IL12B: variants seen among roughly 807,000 people sequenced by gnomAD.
IL12B encodes the protein interleukin 12B.
Under a neutral mutation model 39.2 loss-of-function variants are expected in IL12B, and 27 were observed. The observed-to-expected ratio is 0.69, with a 90% CI of 0.51 to 0.95. The LOEUF (loss-of-function observed/expected upper bound fraction) is 0.95, where lower values mean the gene tolerates loss of function less well. Ranked by LOEUF, IL12B falls within the 40% of genes least tolerant of loss-of-function variation. The pLI, the probability that IL12B is intolerant of heterozygous loss-of-function variation, is 0.00. For missense variants in IL12B, 351 were observed against 397.6 expected, an observed-to-expected ratio of 0.88 and a Z score of 1.00; for synonymous variants, 142 against 152.1, an observed-to-expected ratio of 0.93 and a Z score of 0.49.
At position 159,316,679 on chromosome 5, in the gene IL12B, G is replaced by A. The variant is rs1753995157; in HGVS notation, c.*6C>T. On this transcript the variant is annotated splice_donor_region_variant and intron_variant, in intron 7 of 7. Coordinates refer to ENST00000231228, the MANE Select transcript of IL12B (RefSeq NM_002187.3). ...GGCCTGGGCTGGCCTTTGAGGGCCT[G>A]CTCACCTAACTGCAGGGCACAGATG... The A allele has an allele frequency of 6.2e-7, 1 of 1,611,178 alleles. No homozygotes were observed. The highest frequency in any genetic ancestry group is 8.5e-7 in the Non-Finnish European group (1 of 1,178,924).
intron 4 of IL12B, 28 bp downstream of exon 4, chr5:159,322,366 G>A: frequency 7.6e-7 from 1 of 1,324,126 alleles, no homozygotes; most frequent in Non-Finnish European, 1.1e-6. Context: ...CTAGAAAAAT[G>A]CTGAGAAACC....
chr5:159,322,201 C>T (rs1398999972), intron 4 of IL12B, among the ~76,000 whole-genome samples, 193 bp downstream of exon 4: 1 of 152,170 alleles, frequency 6.6e-6, no homozygotes, highest in Non-Finnish European at 1.5e-5. Context: ...CCAACACATA[C>T]ATTTATTCAA....
chr5:159,327,070 A>G (rs1406855215), intron 1 of IL12B, among the ~76,000 whole-genome samples: 1 of 152,214 alleles, frequency 6.6e-6, no homozygotes, highest in Non-Finnish European at 1.5e-5. Flanking sequence ...ACCTAAGGCA[A>G]GCCATCTGAT....
intron 1 of IL12B, among the ~76,000 whole-genome samples, chr5:159,329,372 A>G (rs998859982): frequency 6.6e-6 from 1 of 152,184 alleles, no homozygotes; most frequent in Admixed American, 6.5e-5. Flanking sequence ...TAAAATGGGC[A>G]TGCTACTGTG....
At chr5:159,316,508 A>G (rs55904475) in intron 7 of IL12B, among the ~76,000 whole-genome samples, 177 bp downstream of exon 7, 268 of 152,322 alleles carry the variant, frequency 1.8e-3, no homozygotes, top group African/African-American at 5.9e-3. Flanking sequence ...ACAGTGTCCT[A>G]CATAACAAAG....
intron 3 of IL12B, 83 bp from the exon 4 acceptor site, chr5:159,322,594 A>G: frequency 1.1e-6 from 1 of 897,850 alleles, no homozygotes; most frequent in Non-Finnish European, 1.9e-6. Context: ...AGATCACCAG[A>G]TGGTACAGGG....
intron 5 of IL12B, 80 bp downstream of exon 5, chr5:159,320,226 C>A: frequency 5.0e-6 from 6 of 1,197,502 alleles, no homozygotes; most frequent in Non-Finnish European, 7.4e-6. Context: ...AACCACCTAC[C>A]CCACAGTGCA....
At chr5:159,326,608 A>C in intron 2 of IL12B, 87 bp downstream of exon 2, 5 of 918,702 alleles carry the variant, frequency 5.4e-6, no homozygotes, top group Non-Finnish European at 9.1e-6. Flanking sequence ...ATGGTTGCCC[A>C]TTTCAGTTTG....
At chr5:159,322,190 C>G (rs147559048) in intron 4 of IL12B, among the ~76,000 whole-genome samples, 1 of 152,068 alleles carries the variant, frequency 6.6e-6, no homozygotes, top group African/African-American at 2.4e-5. Context: ...AATATCCTGC[C>G]CCAACACATA....
At chr5:159,317,245 G>T (rs1004278593) in intron 6 of IL12B, among the ~76,000 whole-genome samples, 5 of 152,128 alleles carry the variant, frequency 3.3e-5, no homozygotes, top group Non-Finnish European at 7.3e-5. Context: ...GTAACTTCAG[G>T]AAAATGTCTT....
rs1753996430 is a variant in IL12B at position 159,316,745 on chromosome 5, C to A, written c.927G>T (p.Arg309=). The change falls in exon 7 of 8, where the codon CGG becomes CGT. Residue 309 remains arginine (R), a synonymous_variant. Transcript: ENST00000231228. The part of the protein sequence containing the change: ...ICRKNASISV[R]AQDRYYSSSW... Reference sequence around the variant, plus strand: ...ATGAGCTATAGTAGCGGTCCTGGGCCCGCACGCTAATGCTGGCATTTTTGC... The same window carrying A: ...ATGAGCTATAGTAGCGGTCCTGGGCACGCACGCTAATGCTGGCATTTTTGC... 1 of 1,614,152 alleles carries A rather than the reference C, an allele frequency of 6.2e-7. No homozygotes were observed. The highest frequency in any genetic ancestry group is 8.5e-7 in the Non-Finnish European group (1 of 1,180,036).
Position 159,323,185 on chromosome 5 carries a change from T to G in IL12B, c.233A>C (p.Gln78Pro), listed in dbSNP as rs1361534479. 6.2e-7 allele frequency: 1 copy of G among 1,614,160 alleles called. No individual in the cohort carries two copies. The highest frequency in any genetic ancestry group is 2.2e-5 in the East Asian group (1 of 44,874). ...VLGSGKTLTI[Q>P]VKEFGDAGQY... ...GCCAGCATCTCCAAACTCTTTGACT[T>G]GGATGGTCAGGGTTTTGCCAGAGCC... Residue 78 changes from glutamine (Q) to proline (P), a missense_variant, in exon 3 of 8, where the codon CAA (glutamine) becomes CCA (proline). Physicochemically the swap from Gln to Pro is moderately conservative, Grantham distance 76. Transcript: ENST00000231228.
In IL12B at chr5:159,314,892, T is replaced by C. The variant is rs1335091616; in HGVS notation, c.*1209A>G. 1 of 152,374 alleles carries C rather than the reference T, an allele frequency of 6.6e-6. No homozygotes were observed. Among genetic ancestry groups the C allele is most frequent in the African/African-American group, 2.4e-5 (1 of 41,462 alleles). 9.4% of individuals were successfully genotyped at this position (152,374 alleles called of 1,614,324 possible). The stretch of plus-strand genomic sequence containing the variant: ...ACTTTACAGAGCGCACATACATTAC[T>C]TAAAAGTAGCACCTTCATGGAGCCA... On this transcript the variant is annotated 3_prime_UTR_variant, in exon 8 of 8. Coordinates refer to ENST00000231228, the MANE Select transcript of IL12B (RefSeq NM_002187.3).
intron 2 of IL12B, among the ~76,000 whole-genome samples, chr5:159,324,377 A>G (rs1208614351): frequency 1.3e-5 from 2 of 152,228 alleles, no homozygotes; most frequent in Non-Finnish European, 2.9e-5. Flanking sequence ...TAATCCATGC[A>G]TAAATTATTA....
intron 2 of IL12B, 130 bp downstream of exon 2, chr5:159,326,565 C>A (rs940419700): frequency 5.8e-6 from 4 of 687,010 alleles, no homozygotes; most frequent in Admixed American, 5.0e-5. Flanking sequence ...TGCATTTTCC[C>A]AGAGTGATGG....
chr5:159,322,326 G>T (rs1272463317), intron 4 of IL12B, 68 bp downstream of exon 4: 2 of 992,938 alleles, frequency 2.0e-6, no homozygotes, highest in Non-Finnish European at 3.3e-6. Flanking sequence ...GTCACTGAGA[G>T]GTTGCCCTTA....
chr5:159,323,902 G>GA (rs71577371), intron 2 of IL12B, among the ~76,000 whole-genome samples: 18,761 of 138,128 alleles, frequency 0.14, 1,326 homozygotes, highest in Middle Eastern at 0.18. Flanking sequence ...AGGATTAAAT[G>GA]AAAAAAAAAA....
intron 3 of IL12B, 90 bp from the exon 4 acceptor site, chr5:159,322,601 A>C (rs1754111650): frequency 1.2e-6 from 1 of 862,738 alleles, no homozygotes; most frequent in Non-Finnish European, 2.0e-6. Flanking sequence ...CAGATGGTAC[A>C]GGGTGAAGTT....
chr5:159,324,878 T>G (rs1180794990), intron 2 of IL12B, among the ~76,000 whole-genome samples: 1 of 152,186 alleles, frequency 6.6e-6, no homozygotes, highest in African/African-American at 2.4e-5. Context: ...AAGGACTGAA[T>G]GGATAACAAA....
Sources: gnomAD v4.1 joint callset for allele counts (sites outside exome capture counted in the v4.1 genomes callset) on GRCh38, gnomAD v4.1.1 for gene constraint, MANE v1.5 for transcripts, NCBI Gene and HGNC (gene_info 2026-07-23, HGNC 2026-07-21) for gene names.